CD4: variants seen among roughly 807,000 people sequenced by gnomAD.
CD4 encodes the protein CD4 molecule.
A neutral mutation model predicts 50.5 loss-of-function variants in CD4; 25 were observed. That is an observed-to-expected ratio of 0.49 (90% CI 0.36 to 0.69). The LOEUF is 0.69. Ranked by LOEUF, CD4 falls within the 30% of genes least tolerant of loss-of-function variation. The pLI is 0.00. For missense variants in CD4, 456 were observed against 548.5 expected (o/e 0.83, Z 1.68); for synonymous variants, 207 against 221.9 (o/e 0.93, Z 0.60).
intron 3 of CD4, among the ~76,000 whole-genome samples, chr12:6,803,795 T>A (rs1249586586): frequency 3.5e-5 from 5 of 142,742 alleles, no homozygotes; most frequent in African/African-American, 1.0e-4. Flanking sequence ...AAAAAATAAA[T>A]AAATAAATAA....
At position 6,818,957 on chromosome 12, in the gene CD4, G is replaced by A; in HGVS notation, c.1346+43G>A. The A allele has an allele frequency of 1.2e-6, 1 of 862,282 alleles. No individual in the cohort carries two copies. Among genetic ancestry groups the A allele is most frequent in the Non-Finnish European group, 1.9e-6 (1 of 534,682 alleles). The allele number at this position is 862,282 out of a possible 1,614,324, so 53.4% of individuals were successfully genotyped here. On this transcript the variant is annotated intron_variant, in intron 9 of 9. Transcript: ENST00000011653. This position sits in a 1 kb window ranked among gnomAD's most constrained non-coding sequence, Gnocchi z 5.0. Reference sequence around the variant, plus strand: ...GGGGTTGAGAGAGGGGAAAGGGGGAGGGGGAGGGAGTTAGAGAGGAGGGGG... The same window carrying A: ...GGGGTTGAGAGAGGGGAAAGGGGGAAGGGGAGGGAGTTAGAGAGGAGGGGG...
At chr12:6,815,951 C>T (rs1555117832) in intron 5 of CD4, 105 bp from the exon 6 acceptor site, 11 of 1,546,920 alleles carry the variant, frequency 7.1e-6, no homozygotes, top group Middle Eastern at 1.7e-4. Context: ...TGTCTGGACT[C>T]GTCGGGTCCC....
chr12:6,798,846 C>T (rs1942455116), intron 1 of CD4: 1 of 152,300 alleles, frequency 6.6e-6, no homozygotes, highest in Non-Finnish European at 1.5e-5. Flanking sequence ...TGCAGGGGTC[C>T]ACGTGGCAAA....
At chr12:6,803,055 C>T (rs782722711) in intron 3 of CD4, among the ~76,000 whole-genome samples, 9 of 151,320 alleles carry the variant, frequency 5.9e-5, no homozygotes, top group African/African-American at 2.2e-4. Context: ...TTAAAGTAAT[C>T]TGGCAATGTT....
Position 6,792,876 on chromosome 12 carries a change from AG to A in CD4, c.-68+3217del, listed in dbSNP as rs35879797. Among the ~76,000 whole-genome samples, 2,386 of 152,280 alleles carry A rather than the reference AG, an allele frequency of 0.016. 28 individuals are homozygous for A. Among genetic ancestry groups the A allele is most frequent in the Middle Eastern group, 0.041 (12 of 294 alleles). On this transcript the variant is annotated intron_variant, in intron 1 of 9. Coordinates refer to ENST00000011653, the MANE Select transcript of CD4 (RefSeq NM_000616.5). This position sits in a 1 kb window ranked among gnomAD's most constrained non-coding sequence, Gnocchi z 4.1. ...CAAAGAGGAAGACAGACACAGACAC[AG>A]GGAGCTGCAGGCTGGGGGCATAAGC...
In CD4 at chr12:6,818,679, T is replaced by G; in HGVS notation, c.1278+137T>G. On this transcript the variant is annotated intron_variant, in intron 8 of 9. Transcript: ENST00000011653. The surrounding 1 kb of genome is among the most constrained non-coding windows in gnomAD (Gnocchi z 5.0). The stretch of plus-strand genomic sequence containing the variant: ...AGTTCCCTTGCTGCCCTGTCCCAGA[T>G]CCCACTCAAGGGAGAGACAGGAAGG... The G allele has an allele frequency of 2.4e-6, 3 of 1,254,628 alleles. No homozygotes were observed. The highest frequency in any genetic ancestry group is 3.4e-6 in the Non-Finnish European group (3 of 872,058). The allele number at this position is 1,254,628 out of a possible 1,614,324, so 77.7% of individuals were successfully genotyped here. A position where few individuals can be genotyped will look rare whatever the true frequency, so the allele number is the denominator to read the frequency against.
chr12:6,818,007 C>T lies in CD4; in HGVS notation c.1157-414C>T, dbSNP rs1182484941. Among the ~76,000 whole-genome samples the T allele has an allele frequency of 6.6e-6, 1 of 152,076 alleles. No homozygotes were observed. Among genetic ancestry groups the T allele is most frequent in the Non-Finnish European group, 1.5e-5 (1 of 68,002 alleles). ...ACACGCGCGCGCACATGCATGCAGT[C>T]ACGCACACACATTCATACACGCACA... On this transcript the variant is annotated intron_variant, in intron 7 of 9. Coordinates refer to ENST00000011653, the MANE Select transcript of CD4 (RefSeq NM_000616.5). The surrounding 1 kb of genome is among the most constrained non-coding windows in gnomAD (Gnocchi z 5.0).
At chr12:6,791,892 A>G (rs903736221) in intron 1 of CD4, among the ~76,000 whole-genome samples, 2 of 152,128 alleles carry the variant, frequency 1.3e-5, no homozygotes, top group Non-Finnish European at 2.9e-5. Flanking sequence ...AATAACTTTG[A>G]TGAAGGTGGG....
In CD4 at chr12:6,793,350, G is replaced by A. The variant is rs551561502; in HGVS notation, c.-68+3688G>A. Among the ~76,000 whole-genome samples, 11 of 152,280 alleles carry A rather than the reference G, an allele frequency of 7.2e-5. No individual in the cohort carries two copies. The East Asian group carries it at 2.1e-3, about 29-fold the overall frequency. On this transcript the variant is annotated intron_variant, in intron 1 of 9. Transcript: ENST00000011653. ...CCCAGGCATCTTATCAGGGTAAGCT[G>A]AATTTGGACCCCAGAGAAGGGATAT... is the stretch of plus-strand genomic sequence containing the variant.
intron 3 of CD4, among the ~76,000 whole-genome samples, chr12:6,811,991 A>T (rs1211430208): frequency 6.6e-6 from 1 of 151,932 alleles, no homozygotes; most frequent in Non-Finnish European, 1.5e-5. Context: ...TTTTAAAATA[A>T]TTTTTTTTAG....
At chr12:6,805,143 C>A (rs2070580570) in intron 3 of CD4, among the ~76,000 whole-genome samples, 1 of 132,814 alleles carries the variant, frequency 7.5e-6, no homozygotes, top group Admixed American at 8.6e-5. Flanking sequence ...CATGATCACA[C>A]CACTGCTTTC....
At chr12:6,804,147 T>TA (rs1161772236) in intron 3 of CD4, among the ~76,000 whole-genome samples, 4 of 84,612 alleles carry the variant, frequency 4.7e-5, no homozygotes, top group African/African-American at 1.1e-4. Flanking sequence ...AATAAATAAA[T>TA]AAATAAAATA....
In CD4 at chr12:6,817,251, G is replaced by A; in HGVS notation, c.1077G>A (p.Trp359Ter). 1 of 1,607,610 alleles carries A rather than the reference G, an allele frequency of 6.2e-7. No homozygotes were observed. Among genetic ancestry groups the A allele is most frequent in the Non-Finnish European group, 8.5e-7 (1 of 1,176,580 alleles). The change falls in exon 7 of 10, where the codon TGG becomes TGA. Residue 359 changes from tryptophan to a stop codon, truncating the protein, a stop_gained. Coordinates refer to ENST00000011653, the MANE Select transcript of CD4 (RefSeq NM_000616.5). LOFTEE classifies it high-confidence loss of function. ...AKVSKREKAV[W>*]VLNPEAGMWQ... Reference sequence around the variant, plus strand: ...TCTCGAAGCGGGAGAAGGCGGTGTGGGTGCTGAACCCTGAGGCGGGGATGT... The same window carrying A: ...TCTCGAAGCGGGAGAAGGCGGTGTGAGTGCTGAACCCTGAGGCGGGGATGT...
intron 5 of CD4, among the ~76,000 whole-genome samples, chr12:6,815,523 G>A (rs1555117767): frequency 6.6e-6 from 1 of 152,154 alleles, no homozygotes; most frequent in Non-Finnish European, 1.5e-5. Flanking sequence ...TACGCTGATT[G>A]AAATCCTGGT....
chr12:6,791,505 A>G (rs1426653472), intron 1 of CD4, among the ~76,000 whole-genome samples: 7 of 152,194 alleles, frequency 4.6e-5, no homozygotes, highest in African/African-American at 1.7e-4. Flanking sequence ...GGCCTCCCAA[A>G]GTGCTGGCAT....
Position 6,814,962 on chromosome 12 carries a change from G to A in CD4, c.577G>A (p.Val193Met). The A allele has an allele frequency of 1.2e-6, 2 of 1,613,390 alleles. No individual in the cohort carries two copies. Among genetic ancestry groups the A allele is most frequent in the Non-Finnish European group, 1.7e-6 (2 of 1,179,534 alleles). Reference sequence around the variant, plus strand: ...CACTGTCTTGCAGAACCAGAAGAAGGTGGAGTTCAAAATAGACATCGTGGT... The same window carrying A: ...CACTGTCTTGCAGAACCAGAAGAAGATGGAGTTCAAAATAGACATCGTGGT... ...TCTVLQNQKK[V>M]EFKIDIVVLA... Residue 193 changes from valine (V) to methionine (M), a missense_variant, in exon 5 of 10, where the codon GTG becomes ATG. Val to Met is a conservative substitution (Grantham distance 21). Coordinates refer to ENST00000011653, the MANE Select transcript of CD4 (RefSeq NM_000616.5).
chr12:6,795,800 C>G (rs1037043115), intron 1 of CD4, among the ~76,000 whole-genome samples: 2 of 152,160 alleles, frequency 1.3e-5, no homozygotes, highest in Non-Finnish European at 2.9e-5. Flanking sequence ...GCTTCTTTCC[C>G]CCACCCTTCC....
At position 6,819,345 on chromosome 12, in the gene CD4, A is replaced by C. The variant is rs1943208935; in HGVS notation, c.*16A>C. The C allele has an allele frequency of 1.2e-6, 2 of 1,613,678 alleles. No homozygotes were observed. Among genetic ancestry groups the C allele is most frequent in the South Asian group, 2.2e-5 (2 of 91,066 alleles). On this transcript the variant is annotated 3_prime_UTR_variant, in exon 10 of 10. Coordinates refer to ENST00000011653, the MANE Select transcript of CD4 (RefSeq NM_000616.5). ...CCCCATTTGAGGCACGAGGCCAGGC[A>C]GATCCCACTTGCAGCCTCCCCAGGT...
At position 6,816,179 on chromosome 12, in the gene CD4, G is replaced by C; in HGVS notation, c.731G>C (p.Arg244Thr). 2 of 1,614,176 alleles carry C rather than the reference G, an allele frequency of 1.2e-6. No homozygotes were observed. The highest frequency in any genetic ancestry group is 1.7e-6 in the Non-Finnish European group (2 of 1,180,020). ...GGCGAGCTGTGGTGGCAGGCGGAGAGGGCTTCCTCCTCCAAGTCTTGGATC... is the reference window on the plus strand; with the variant it reads ...GGCGAGCTGTGGTGGCAGGCGGAGACGGCTTCCTCCTCCAAGTCTTGGATC... ...GSGELWWQAE[R>T]ASSSKSWITF... The change falls in exon 6 of 10, where the codon AGG becomes ACG. Residue 244 changes from arginine to threonine, a missense_variant. Physicochemically the swap from Arg to Thr is moderately conservative, Grantham distance 71 (BLOSUM62 -1). Coordinates refer to ENST00000011653, the MANE Select transcript of CD4 (RefSeq NM_000616.5). This position sits in a 1 kb window ranked among gnomAD's most constrained non-coding sequence, Gnocchi z 4.9.
Sources: allele counts gnomAD v4.1 joint callset (sites outside exome capture counted in the v4.1 genomes callset), GRCh38; gene constraint gnomAD v4.1.1; non-coding constraint Gnocchi (gnomAD v3.1); transcripts MANE v1.5; gene names NCBI Gene and HGNC (gene_info 2026-07-23, HGNC 2026-07-21).